ABCC11: variants seen among roughly 807,000 people sequenced by gnomAD.
The protein encoded by ABCC11 is ATP binding cassette subfamily C member 11.
Under a neutral mutation model 149.3 loss-of-function variants are expected in ABCC11, and 135 were observed. The ratio of observed to expected loss-of-function variants is 0.90; its 90% CI spans 0.79 to 1.04. The LOEUF is 1.04. ABCC11 is among the 50% of genes least tolerant of loss of function. ABCC11 has a pLI of 0.00. For synonymous variants in ABCC11, 665 were observed against 671.4 expected (o/e 0.99, Z 0.15); for missense variants, 1,680 against 1,722.1 (o/e 0.98, Z 0.43).
chr16:48,183,458 C>T (rs1215642372), intron 23 of ABCC11, among the ~76,000 whole-genome samples: 1 of 152,208 alleles, frequency 6.6e-6, no homozygotes, highest in East Asian at 1.9e-4. Flanking sequence ...TCCTACAGAA[C>T]CCGTTTTAAA....
intron 4 of ABCC11, 112 bp downstream of exon 4, chr16:48,227,694 A>G (rs535799408): frequency 2.8e-6 from 4 of 1,412,300 alleles, no homozygotes; most frequent in South Asian, 2.3e-5. Context: ...CTACAGGAAG[A>G]GCCAAGTCGT....
chr16:48,208,110 G>A (rs183104763), intron 12 of ABCC11, among the ~76,000 whole-genome samples: 17 of 152,130 alleles, frequency 1.1e-4, no homozygotes, highest in Admixed American at 7.9e-4. Flanking sequence ...TCAACTCTCT[G>A]TGAAATAATT....
Position 48,175,364 on chromosome 16 carries a change from G to A in ABCC11, c.3592C>T (p.Arg1198Trp), listed in dbSNP as rs761703910. 5.2e-5 allele frequency: 84 copies of A among 1,613,944 alleles called. No homozygotes were observed. The highest frequency in any genetic ancestry group is 6.4e-5 in the Non-Finnish European group (75 of 1,179,906). ...LFRLVEPMAG[R>W]ILIDGVDICS... The stretch of plus-strand genomic sequence containing the variant: ...ATGTCCACGCCGTCAATGAGAATCC[G>A]GCCTGCCATGGGCTCCACCAGGCGG... Residue 1198 changes from arginine (R) to tryptophan (W), a missense_variant, in exon 26 of 30, where the codon CGG becomes TGG. Arg to Trp is a moderately radical substitution (Grantham distance 101). Transcript: ENST00000356608.
At chr16:48,172,977 T>C (rs965870055) in intron 26 of ABCC11, among the ~76,000 whole-genome samples, 1 of 152,224 alleles carries the variant, frequency 6.6e-6, no homozygotes, top group African/African-American at 2.4e-5. Flanking sequence ...CCTTCCCCAG[T>C]TGTGCCAGCC....
Position 48,192,531 on chromosome 16 carries a change from G to A in ABCC11, c.2695C>T (p.Leu899Phe), listed in dbSNP as rs1200447326. 6 of 1,614,098 alleles carry A rather than the reference G, an allele frequency of 3.7e-6. No individual in the cohort carries two copies. The highest frequency in any genetic ancestry group is 1.7e-6 in the Non-Finnish European group (2 of 1,180,024). Residue 899 changes from leucine (L) to phenylalanine (F), a missense_variant, in exon 20 of 30, where the codon CTC becomes TTC. Transcript: ENST00000356608. ...ACCCAGGCCCATACCTTGTTGAAGA[G>A]CTTGTTGTGCAGGGCCGTGGATGCC... ...RKASTALHNK[L>F]FNKVFRCPMS...
chr16:48,239,787 T>C (rs1020797656), intron 1 of ABCC11, among the ~76,000 whole-genome samples: 1 of 152,128 alleles, frequency 6.6e-6, no homozygotes, highest in African/African-American at 2.4e-5. Context: ...AAAGGTCTAA[T>C]ATCCAGAGTC....
intron 17 of ABCC11, among the ~76,000 whole-genome samples, chr16:48,197,356 C>A (rs1438339163): frequency 6.6e-6 from 1 of 152,076 alleles, no homozygotes; most frequent in Non-Finnish European, 1.5e-5. Flanking sequence ...CAGGAGCCTA[C>A]AATGTGACAG....
chr16:48,239,138 G>A (rs141614684), intron 1 of ABCC11, among the ~76,000 whole-genome samples: 9 of 151,994 alleles, frequency 5.9e-5, no homozygotes, highest in Non-Finnish European at 1.5e-5. Context: ...ATGGGGAAAG[G>A]ATTCCCAATT....
chr16:48,178,609 C>T lies in ABCC11; in HGVS notation c.3336G>A (p.Leu1112=). 1 of 1,614,088 alleles carries T rather than the reference C, an allele frequency of 6.2e-7. No homozygotes were observed. Among genetic ancestry groups the T allele is most frequent in the Non-Finnish European group, 8.5e-7 (1 of 1,179,996 alleles). ...ACCTGAACCCCACCTTCATGTACTG[C>T]AGTATCCTCTCTACAGCCGTGAACT... is the stretch of plus-strand genomic sequence containing the variant. The part of the protein sequence containing the change: ...EAQFTAVERI[L]QYMKMCVSEA... Residue 1112 remains leucine, a synonymous_variant, in exon 24 of 30, where the codon CTG becomes CTA. Coordinates refer to ENST00000356608, the MANE Select transcript of ABCC11 (RefSeq NM_001370497.1).
intron 19 of ABCC11, 119 bp downstream of exon 19, chr16:48,193,760 C>G (rs1348123478): frequency 1.2e-6 from 1 of 806,808 alleles, no homozygotes; most frequent in Non-Finnish European, 1.9e-6. Flanking sequence ...AACACCAGCT[C>G]TGGGCTTGTC....
At chr16:48,184,759 G>C (rs537901865) in intron 22 of ABCC11, 133 bp from the exon 23 acceptor site, 2 of 916,526 alleles carry the variant, frequency 2.2e-6, no homozygotes, top group Non-Finnish European at 3.2e-6. Flanking sequence ...TTTTTCTTTG[G>C]GGAGTTCCTC....
intron 1 of ABCC11, among the ~76,000 whole-genome samples, chr16:48,240,200 C>G (rs1452494855): frequency 6.6e-6 from 1 of 152,116 alleles, no homozygotes; most frequent in Non-Finnish European, 1.5e-5. Flanking sequence ...ATATAAATCA[C>G]TTTATTTTAA....
At chr16:48,231,706 A>G (rs1462897610) in intron 2 of ABCC11, 117 bp downstream of exon 2, 24 of 1,431,000 alleles carry the variant, frequency 1.7e-5, no homozygotes, top group Non-Finnish European at 2.2e-5. Context: ...AAGAGAAAAG[A>G]AAAAAAATTC....
chr16:48,239,561 C>CAAAAAAAAA (rs756121627), intron 1 of ABCC11, among the ~76,000 whole-genome samples: 1 of 47,194 alleles, frequency 2.1e-5, no homozygotes, highest in African/African-American at 6.5e-5. Flanking sequence ...GACTGTGTCA[C>CAAAAAAAAA]AAAAAAAAAA....
In ABCC11 at chr16:48,167,286, A is replaced by G. The variant is rs761203407; in HGVS notation, c.4137T>C (p.Ser1379=). ...TCTCCACATCTCCTTATCTCAGTGAAGAAGTGGCTGTGGCCATGAGGGCTG... is the reference window on the plus strand; with the variant it reads ...TCTCCACATCTCCTTATCTCAGTGAGGAAGTGGCTGTGGCCATGAGGGCTG... The part of the protein sequence containing the change: ...LFAALMATAT[S]SLR The change falls in exon 30 of 30, where the codon TCT becomes TCC. Residue 1379 remains serine, a synonymous_variant. Transcript: ENST00000356608. 1.2e-6 allele frequency: 1 copy of G among 821,598 alleles called. No individual in the cohort carries two copies. Among genetic ancestry groups the G allele is most frequent in the Non-Finnish European group, 2.2e-6 (1 of 455,320 alleles). 50.9% of individuals were successfully genotyped at this position (821,598 alleles called of 1,614,324 possible). A position where few individuals can be genotyped will look rare whatever the true frequency, so the allele number is the denominator to read the frequency against.
intron 1 of ABCC11, among the ~76,000 whole-genome samples, chr16:48,243,013 T>C (rs999997889): frequency 2.6e-5 from 4 of 151,488 alleles, no homozygotes; most frequent in Admixed American, 1.3e-4. Flanking sequence ...AACAAACCTG[T>C]ACGTTGTGCA....
chr16:48,212,246 C>T (rs995637892), intron 10 of ABCC11, among the ~76,000 whole-genome samples: 1 of 152,158 alleles, frequency 6.6e-6, no homozygotes, highest in Non-Finnish European at 1.5e-5. Flanking sequence ...GTCATCATCA[C>T]TCAAAGTCAT....
Position 48,200,852 on chromosome 16 carries a change from C to T in ABCC11, c.1879-373G>A, listed in dbSNP as rs551390024. 7.2e-5 allele frequency among the ~76,000 whole-genome samples: 11 copies of T among 152,128 alleles called. No individual in the cohort carries two copies. The East Asian group carries it at 2.1e-3, about 29-fold the overall frequency. ...AGAATAGGATGACTATAGCTAACAA[C>T]AATGTATTGTATATTTCAGCAGAGC... is the stretch of plus-strand genomic sequence containing the variant. On this transcript the variant is annotated intron_variant, in intron 14 of 29. Coordinates refer to ENST00000356608, the MANE Select transcript of ABCC11 (RefSeq NM_001370497.1).
chr16:48,213,293 C>G (rs1969074275), intron 10 of ABCC11, 150 bp downstream of exon 10: 2 of 626,096 alleles, frequency 3.2e-6, no homozygotes, highest in Admixed American at 3.3e-5. Context: ...AGGCTCCACA[C>G]CAGCCTTGGA....
Sources: gnomAD v4.1 joint callset for allele counts (sites outside exome capture counted in the v4.1 genomes callset) on GRCh38, gnomAD v4.1.1 for gene constraint, MANE v1.5 for transcripts, NCBI Gene and HGNC (gene_info 2026-07-23, HGNC 2026-07-21) for gene names.